HEATR9: variants seen among roughly 807,000 people sequenced by gnomAD.
HEATR9 encodes the protein HEAT repeat containing 9.
HEATR9 carries 54 observed loss-of-function variants against 68.2 expected under a neutral mutation model. That is an observed-to-expected ratio of 0.79 (90% CI 0.64 to 0.99). The LOEUF is 0.99. HEATR9 is among the 50% of genes least tolerant of loss of function. HEATR9 has a pLI of 0.00. For missense variants in HEATR9, 662 were observed against 679.7 expected (o/e 0.97, Z 0.29); for synonymous variants, 241 against 253.5 (o/e 0.95, Z 0.47).
At chr17:35,864,613 A>G in intron 4 of HEATR9, 60 bp from the exon 5 acceptor site, 1 of 1,592,590 alleles carries the variant, frequency 6.3e-7, no homozygotes, top group Non-Finnish European at 8.6e-7. Flanking sequence ...ATTTCAAACT[A>G]AAGGGAGCTC....
chr17:35,855,461 G>T (rs1432492050), intron 14 of HEATR9, 51 bp from the exon 15 acceptor site: 4 of 1,539,700 alleles, frequency 2.6e-6, no homozygotes, highest in Non-Finnish European at 3.6e-6. Context: ...TTCAGGCTGG[G>T]AGGCTCCAGA....
intron 11 of HEATR9, among the ~76,000 whole-genome samples, chr17:35,857,596 A>G (rs1402770412): frequency 6.6e-6 from 1 of 152,052 alleles, no homozygotes. Flanking sequence ...CGTCTCTACT[A>G]AAAATGCAAA....
chr17:35,860,108 A>G (rs76552265), intron 8 of HEATR9, among the ~76,000 whole-genome samples: 4,501 of 151,616 alleles, frequency 0.03, 230 homozygotes, highest in African/African-American at 0.1. Context: ...GAACATTGCT[A>G]TTTTTCGGCC....
chr17:35,855,578 A>C, intron 14 of HEATR9, 86 bp downstream of exon 14: 1 of 1,394,906 alleles, frequency 7.2e-7, no homozygotes, highest in East Asian at 2.3e-5. Context: ...TCCTCCTGAC[A>C]AGGAGCAAAT....
chr17:35,857,874 C>G (rs900434203), intron 11 of HEATR9, among the ~76,000 whole-genome samples: 7 of 152,144 alleles, frequency 4.6e-5, no homozygotes, highest in Non-Finnish European at 8.8e-5. Context: ...GGGAAAGCTT[C>G]CCATAGGAGG....
intron 1 of HEATR9, among the ~76,000 whole-genome samples, chr17:35,867,452 AAAAAG>A (rs1310003588): frequency 5.7e-4 from 86 of 151,276 alleles, no homozygotes; most frequent in African/African-American, 1.9e-3. Context: ...AAAAAAAAAA[AAAAAG>A]AGATAGCAGT....
Position 35,864,729 on chromosome 17 carries a change from CCCCACGTCCTCT to C in HEATR9, c.453+17_453+28del, listed in dbSNP as rs761997768. 3.7e-5 allele frequency: 60 copies of C among 1,612,788 alleles called. No individual in the cohort carries two copies. Among genetic ancestry groups the C allele is most frequent in the Non-Finnish European group, 5.1e-5 (60 of 1,179,096 alleles). The stretch of plus-strand genomic sequence containing the variant: ...GAAGGGCACCCACAGGGAGGGAGTC[CCCCACGTCCTCT>C]CCCACATGGTCCTGACCCTTAATCT... On this transcript the variant is annotated intron_variant, in intron 4 of 14. Transcript: ENST00000604834.
intron 9 of HEATR9, 148 bp from the exon 10 acceptor site, chr17:35,858,673 G>A (rs1268226576): frequency 4.8e-6 from 4 of 835,352 alleles, no homozygotes; most frequent in African/African-American, 1.7e-5. Flanking sequence ...AAGTTCATGT[G>A]TGCATATACA....
intron 12 of HEATR9, 66 bp downstream of exon 12, chr17:35,856,666 C>CT (rs1303404538): frequency 7.1e-7 from 1 of 1,409,206 alleles, no homozygotes; most frequent in African/African-American, 1.4e-5. Flanking sequence ...CACTGACCCT[C>CT]TCACTGACCC....
At chr17:35,864,383 G>A in intron 5 of HEATR9, 81 bp from the exon 6 acceptor site, 1 of 1,531,390 alleles carries the variant, frequency 6.5e-7, no homozygotes, top group Non-Finnish European at 9.0e-7. Flanking sequence ...TACAGCTGGA[G>A]TTTGTGCTTG....
At position 35,855,095 on chromosome 17, in the gene HEATR9, G is replaced by GT. The variant is rs149317141; in HGVS notation, c.1680dup (p.Gln561ThrfsTer7). 5.5e-4 allele frequency: 886 copies of GT among 1,613,920 alleles called. 9 individuals carry two copies. The East Asian group carries it at 0.018, about 32-fold the overall frequency. On this transcript the variant is annotated frameshift_variant, in exon 15 of 15. Coordinates refer to ENST00000604834, the MANE Select transcript of HEATR9 (RefSeq NM_152781.4). LOFTEE classifies it low-confidence loss of function (END_TRUNC). Reference sequence around the variant, plus strand: ...GCAATTTCAGCAAGGACCCGGAGCTGTTTCTTGATCCTTGGCTGCCAGGGC... The same window carrying GT: ...GCAATTTCAGCAAGGACCCGGAGCTGTTTTCTTGATCCTTGGCTGCCAGGGC...
Position 35,865,365 on chromosome 17 carries a change from T to C in HEATR9, c.170A>G (p.Glu57Gly), listed in dbSNP as rs148728671. Residue 57 changes from glutamate to glycine, a missense_variant, in exon 3 of 15, where the codon GAG becomes GGG. Transcript: ENST00000604834. ...MPKEEFPPSP[E>G]CWRQHPSKPN... ...CTTGCTCGGATGCTGCCTCCAGCAC[T>C]CTGGACTTGGGGGAAACTCTTCCTT... The C allele has an allele frequency of 1.0e-4, 167 of 1,613,626 alleles. 1 individual carries two copies. The African/African-American group carries it at 1.6e-3, about 15-fold the overall frequency.
intron 3 of HEATR9, 141 bp downstream of exon 3, chr17:35,865,074 G>T (rs1408626853): frequency 2.3e-6 from 3 of 1,287,060 alleles, no homozygotes; most frequent in Non-Finnish European, 3.3e-6. Flanking sequence ...ATGGAGCTGA[G>T]CCAAGCCGAG....
intron 12 of HEATR9, 41 bp downstream of exon 12, chr17:35,856,691 A>C (rs369042638): frequency 6.5e-7 from 1 of 1,547,732 alleles, no homozygotes; most frequent in South Asian, 1.2e-5. Context: ...CCCCCTTCCC[A>C]CAGCCTAGGA....
intron 8 of HEATR9, chr17:35,861,163 C>A: frequency 6.3e-7 from 1 of 1,587,720 alleles, no homozygotes; most frequent in South Asian, 1.1e-5. Flanking sequence ...AAGAGGGGCT[C>A]GGATAAGATG....
In HEATR9 at chr17:35,864,793, G is replaced by A; in HGVS notation, c.418C>T (p.Pro140Ser). 1 of 1,614,164 alleles carries A rather than the reference G, an allele frequency of 6.2e-7. No homozygotes were observed. The highest frequency in any genetic ancestry group is 1.7e-5 in the Admixed American group (1 of 60,026). ...KSEMRSRPLE[P>S]TQDPLKWQRL... is the part of the protein sequence containing the mutation. ...TGCCACTTCAGGGGGTCCTGGGTAG[G>A]CTCTAAGGGCCTGGATCGCATCTCA... The change falls in exon 4 of 15, where the codon CCT (proline) becomes TCT (serine). Residue 140 changes from proline (P) to serine (S), a missense_variant. Coordinates refer to ENST00000604834, the MANE Select transcript of HEATR9 (RefSeq NM_152781.4).
intron 12 of HEATR9, 52 bp downstream of exon 12, chr17:35,856,680 G>A (rs901450727): frequency 5.4e-6 from 8 of 1,490,116 alleles, no homozygotes; most frequent in African/African-American, 2.8e-5. Context: ...CTGACCCTCT[G>A]CCCCCTTCCC....
chr17:35,859,035 A>G lies in HEATR9; in HGVS notation c.792T>C (p.Pro264=). ...ACTTCTTGATCAGTGTCTGTAGTACAGGCACCAGCTTGCCCTCATCCCCGA... is the reference window on the plus strand; with the variant it reads ...ACTTCTTGATCAGTGTCTGTAGTACGGGCACCAGCTTGCCCTCATCCCCGA... ...TQVGDEGKLV[P]VLQTLIKKSS... The change falls in exon 9 of 15, where the codon CCT becomes CCC. Residue 264 remains proline, a synonymous_variant. Coordinates refer to ENST00000604834, the MANE Select transcript of HEATR9 (RefSeq NM_152781.4). The G allele has an allele frequency of 6.2e-7, 1 of 1,614,218 alleles. No homozygotes were observed. Among genetic ancestry groups the G allele is most frequent in the Non-Finnish European group, 8.5e-7 (1 of 1,180,030 alleles).
chr17:35,859,329 T>G (rs1284761373), intron 8 of HEATR9, among the ~76,000 whole-genome samples: 2 of 152,198 alleles, frequency 1.3e-5, no homozygotes, highest in South Asian at 2.1e-4. Flanking sequence ...AATATACATG[T>G]GAGTGATCCC....
Sources: gnomAD v4.1 joint callset for allele counts (sites outside exome capture counted in the v4.1 genomes callset) on GRCh38, gnomAD v4.1.1 for gene constraint, MANE v1.5 for transcripts, NCBI Gene and HGNC (gene_info 2026-07-23, HGNC 2026-07-21) for gene names.